DAB1: variants seen among roughly 807,000 people sequenced by gnomAD.
The protein encoded by DAB1 is disabled homolog 1.
DAB1 carries 15 observed loss-of-function variants against 64.6 expected under a neutral mutation model. The observed-to-expected ratio is 0.23, with a 90% CI of 0.16 to 0.36. The LOEUF is 0.36. Among genes scored for constraint, DAB1 ranks in the 10% least tolerant of loss-of-function variants. The pLI is 1.00. For missense variants in DAB1, 596 were observed against 706.7 expected (o/e 0.84, Z 1.78); for synonymous variants, 235 against 251.9 (o/e 0.93, Z 0.64).
intron 12 of DAB1, among the ~76,000 whole-genome samples, chr1:57,012,700 C>T (rs968244440): frequency 6.6e-6 from 1 of 152,196 alleles, no homozygotes. Flanking sequence ...ATGGAACAAA[C>T]TGTATTGAAA....
chr1:58,361,231 T>C (rs541430995), intron 3 of DAB1, among the ~76,000 whole-genome samples: 2 of 152,276 alleles, frequency 1.3e-5, no homozygotes, highest in Non-Finnish European at 2.9e-5. Flanking sequence ...CCTGCTTCTT[T>C]AATACTGGGA....
intron 5 of DAB1, among the ~76,000 whole-genome samples, chr1:57,927,700 T>C (rs1644898745): frequency 6.6e-6 from 1 of 152,204 alleles, no homozygotes; most frequent in Non-Finnish European, 1.5e-5. Flanking sequence ...TAAGACCTAA[T>C]AACAAACCCG....
chr1:58,179,763 T>C (rs1050791304), intron 4 of DAB1, among the ~76,000 whole-genome samples: 1 of 152,082 alleles, frequency 6.6e-6, no homozygotes, highest in Non-Finnish European at 1.5e-5. Flanking sequence ...ATTTTATTAA[T>C]ATTTTCATTA....
rs1170401207 is a variant in DAB1, at chr1:57,100,828, G to A, written c.307-28414C>T. On this transcript the variant is annotated intron_variant, in intron 4 of 14. Coordinates refer to ENST00000371236, the MANE Select transcript of DAB1 (RefSeq NM_001365792.1). ...GGCACAGGGTCATCAGGGGCTGGGT[G>A]TGCTTGGGAAATAAGATCCATGGTG... Among the ~76,000 whole-genome samples, 3 of 152,256 alleles carry A rather than the reference G, an allele frequency of 2.0e-5. No individual in the cohort carries two copies. The East Asian group carries it at 5.8e-4, about 29-fold the overall frequency.
chr1:57,207,645 G>A (rs1197512540), intron 2 of DAB1, among the ~76,000 whole-genome samples: 2 of 149,692 alleles, frequency 1.3e-5, no homozygotes, highest in Non-Finnish European at 3.0e-5. Flanking sequence ...GGGTTTCACC[G>A]TTTTTAGCCG....
intron 5 of DAB1, chr1:58,056,586 C>T: frequency 1.4e-6 from 1 of 709,140 alleles, no homozygotes; most frequent in East Asian, 2.6e-5. Context: ...TCAGGCTCTG[C>T]CTTCTCATCA....
intron 7 of DAB1, among the ~76,000 whole-genome samples, chr1:57,501,140 G>A (rs1547793): frequency 0.96 from 146,636 of 152,254 alleles, 70,830 homozygotes; most frequent in East Asian, 1. Context: ...TGAACAAAAG[G>A]ATGTTGTAGA....
At chr1:58,243,400 C>T (rs1280579803) in intron 4 of DAB1, among the ~76,000 whole-genome samples, 8 of 152,162 alleles carry the variant, frequency 5.3e-5, no homozygotes, top group Non-Finnish European at 1.0e-4. Flanking sequence ...GGTATTCATT[C>T]TGATTTAAGT....
At chr1:57,431,597 C>T (rs1184292773) in intron 7 of DAB1, among the ~76,000 whole-genome samples, 1 of 152,168 alleles carries the variant, frequency 6.6e-6, no homozygotes, top group African/African-American at 2.4e-5. Context: ...CTATAAATAG[C>T]ACTCCTTTCA....
At chr1:57,098,641 T>C (rs1009554772) in intron 4 of DAB1, among the ~76,000 whole-genome samples, 2 of 152,224 alleles carry the variant, frequency 1.3e-5, no homozygotes, top group African/African-American at 4.8e-5. Flanking sequence ...TATGGCTTGT[T>C]CCTTGTTTAA....
At chr1:58,538,319 A>T (rs753529005) in intron 1 of DAB1, among the ~76,000 whole-genome samples, 15 of 152,242 alleles carry the variant, frequency 9.9e-5, no homozygotes, top group Non-Finnish European at 1.8e-4. Flanking sequence ...TAATGACTTA[A>T]GAGTTAACTA....
intron 3 of DAB1, among the ~76,000 whole-genome samples, chr1:58,504,366 A>G (rs6587819): frequency 0.31 from 47,309 of 152,034 alleles, 7,795 homozygotes; most frequent in African/African-American, 0.42. Flanking sequence ...TCCTCAGCCT[A>G]AAAGGCTCTC....
At chr1:57,493,126 ATGTGTGTGTGTG>A (rs34183580) in intron 7 of DAB1, among the ~76,000 whole-genome samples, 1 of 149,518 alleles carries the variant, frequency 6.7e-6, no homozygotes, top group African/African-American at 2.5e-5. Flanking sequence ...AATTGTGTGT[ATGTGTGTGTGTG>A]TGTGTGTGTG....
chr1:57,816,183 A>G (rs1651846774), intron 6 of DAB1, among the ~76,000 whole-genome samples: 1 of 152,160 alleles, frequency 6.6e-6, no homozygotes, highest in African/African-American at 2.4e-5. Flanking sequence ...GAAGATTTAC[A>G]CCACTACAGT....
At chr1:57,183,180 A>T (rs1051860020) in intron 2 of DAB1, among the ~76,000 whole-genome samples, 15 of 152,244 alleles carry the variant, frequency 9.9e-5, no homozygotes, top group Non-Finnish European at 1.8e-4. Flanking sequence ...GAGAGCCTGA[A>T]ACTGACGGGG....
intron 1 of DAB1, among the ~76,000 whole-genome samples, chr1:58,530,222 A>G (rs1376749937): frequency 6.6e-6 from 1 of 152,208 alleles, no homozygotes; most frequent in Non-Finnish European, 1.5e-5. Context: ...GCATACTCAG[A>G]TTTTGGTATC....
intron 5 of DAB1, among the ~76,000 whole-genome samples, chr1:58,095,893 G>A (rs905728980): frequency 1.3e-5 from 2 of 152,182 alleles, no homozygotes; most frequent in Middle Eastern, 3.2e-3. Flanking sequence ...TGTGGCCAGT[G>A]GAGGCCTGGG....
At chr1:57,034,266 C>T (rs1298142214) in intron 9 of DAB1, among the ~76,000 whole-genome samples, 11 of 87,392 alleles carry the variant, frequency 1.3e-4, no homozygotes, top group Admixed American at 4.0e-4. Flanking sequence ...GGTGACAGAG[C>T]GGACTCCATT....
rs546272209 is a variant in DAB1 at position 57,096,382 on chromosome 1, CCACCG to C, written c.307-23973_307-23969del. Among the ~76,000 whole-genome samples, 5 of 152,298 alleles carry C rather than the reference CCACCG, an allele frequency of 3.3e-5. No individual in the cohort carries two copies. The South Asian group carries it at 1.0e-3, about 32-fold the overall frequency. On this transcript the variant is annotated intron_variant, in intron 4 of 14. Transcript: ENST00000371236. ...CTCACGAGTCCAATAATAGATATCT[CCACCG>C]CAAGAGATATATTTAAACTCCCCCA...
Sources: gnomAD v4.1 joint callset for allele counts (sites outside exome capture counted in the v4.1 genomes callset) on GRCh38, gnomAD v4.1.1 for gene constraint, MANE v1.5 for transcripts, NCBI Gene and HGNC (gene_info 2026-07-23, HGNC 2026-07-21) for gene names.